The following STRADA variants were observed in gnomAD, a reference collection of about 807,000 sequenced individuals.
STRADA encodes the protein STE20-related kinase adapter protein alpha.
Under a neutral mutation model 55.0 loss-of-function variants are expected in STRADA, and 26 were observed. That is an observed-to-expected ratio of 0.47 (90% CI 0.35 to 0.66). The LOEUF (loss-of-function observed/expected upper bound fraction) is 0.66, where lower values mean the gene tolerates loss of function less well. Ranked by LOEUF, STRADA falls within the 30% of genes least tolerant of loss-of-function variation. The pLI, the probability that STRADA is intolerant of heterozygous loss-of-function variation, is 0.01. For missense variants in STRADA, 443 were observed against 549.7 expected (o/e 0.81, Z 1.94); for synonymous variants, 197 against 210.9 (o/e 0.93, Z 0.57).
At chr17:63,711,807 T>G (rs1206616565) in intron 6 of STRADA, among the ~76,000 whole-genome samples, 1 of 152,074 alleles carries the variant, frequency 6.6e-6, no homozygotes, top group Non-Finnish European at 1.5e-5. Context: ...TGGTGGTGCA[T>G]GCCTTTAGTC....
intron 4 of STRADA, chr17:63,714,346 A>G (rs2036714482): frequency 2.3e-6 from 1 of 436,054 alleles, no homozygotes; most frequent in Admixed American, 3.3e-5. Flanking sequence ...ACCTGTTCCC[A>G]TCAAATGTTA....
chr17:63,735,065 G>A (rs1410630645), intron 1 of STRADA, among the ~76,000 whole-genome samples: 1 of 152,208 alleles, frequency 6.6e-6, no homozygotes, highest in African/African-American at 2.4e-5. Context: ...TGAGACAGGA[G>A]AATCGTTTGA....
Position 63,717,526 on chromosome 17 carries a change from G to C in STRADA, c.124-3418C>G, listed in dbSNP as rs1369747019. Among the ~76,000 whole-genome samples, 6 of 151,850 alleles carry C rather than the reference G, an allele frequency of 4.0e-5. No individual in the cohort carries two copies. In the East Asian group the frequency reaches 1.2e-3, roughly 30 times the overall value. On this transcript the variant is annotated intron_variant, in intron 4 of 12. Transcript: ENST00000336174. ...GACAGACTCTCACTCTGTTGCCCAG[G>C]CTGGAGTGCAGTAGTGCGATCTCAG... is the stretch of plus-strand genomic sequence containing the variant.
rs2036996817 is a variant in STRADA at position 63,717,749 on chromosome 17, T to C, written c.124-3641A>G. 2.6e-5 allele frequency among the ~76,000 whole-genome samples: 4 copies of C among 152,058 alleles called. No individual in the cohort carries two copies. In the South Asian group the frequency reaches 8.3e-4, roughly 32 times the overall value. On this transcript the variant is annotated intron_variant, in intron 4 of 12. Transcript: ENST00000336174. Reference sequence around the variant, plus strand: ...GCCTCAGCCTCTCAAAGTGCTGGGATTACAGGTGTGAGCCACCATGCCCAG... The same window carrying C: ...GCCTCAGCCTCTCAAAGTGCTGGGACTACAGGTGTGAGCCACCATGCCCAG...
intron 4 of STRADA, chr17:63,719,226 TACTCAGA>T (rs1203076892): frequency 6.6e-6 from 1 of 152,194 alleles, no homozygotes; most frequent in African/African-American, 2.4e-5. Flanking sequence ...ATTCCTGTGT[TACTCAGA>T]ACACTCTATA....
At chr17:63,705,377 T>C in intron 10 of STRADA, 1 of 180,716 alleles carries the variant, frequency 5.5e-6, no homozygotes, top group Non-Finnish European at 1.2e-5. Context: ...CAAATTCTAG[T>C]GGATGGTGCT....
intron 1 of STRADA, among the ~76,000 whole-genome samples, chr17:63,739,777 T>TATATTATATATGTACAC (rs1291230193): frequency 3.5e-5 from 5 of 141,052 alleles, no homozygotes; most frequent in African/African-American, 5.3e-5. Context: ...TATATGTACA[T>TATATTATATATGTACAC]ATATACATAT....
At chr17:63,730,286 C>A (rs968731645) in intron 1 of STRADA, among the ~76,000 whole-genome samples, 4 of 152,122 alleles carry the variant, frequency 2.6e-5, no homozygotes, top group African/African-American at 9.7e-5. Flanking sequence ...TTTTTCCATA[C>A]CCTCAAACCC....
intron 4 of STRADA, among the ~76,000 whole-genome samples, chr17:63,719,514 C>T (rs1407092842): frequency 2.7e-5 from 4 of 150,546 alleles, no homozygotes; most frequent in African/African-American, 7.3e-5. Context: ...GACAGAGTCT[C>T]GCTCTATCGC....
chr17:63,711,421 T>C (rs2143864272), intron 6 of STRADA, among the ~76,000 whole-genome samples: 1 of 152,216 alleles, frequency 6.6e-6, no homozygotes, highest in Middle Eastern at 3.4e-3. Flanking sequence ...TGTGATCCCG[T>C]CTCACTGCAG....
At chr17:63,703,893 T>G (rs958390699) in intron 12 of STRADA, 112 bp downstream of exon 12, 2 of 1,607,892 alleles carry the variant, frequency 1.2e-6, no homozygotes, top group African/African-American at 2.7e-5. Flanking sequence ...TTCAGGGGCT[T>G]CGGAAGCGGG....
rs1598237659 is a variant in STRADA at position 63,726,767 on chromosome 17, C to CA, written c.37-73dup. ...AACAAATTAGCTATCAGCCTTTAGA[C>CA]AGACAAACAAAATCCCAACTATGAA... On this transcript the variant is annotated intron_variant, in intron 2 of 12. Coordinates refer to ENST00000336174, the MANE Select transcript of STRADA (RefSeq NM_001003787.4). 39 of 1,484,494 alleles carry CA rather than the reference C, an allele frequency of 2.6e-5. No individual in the cohort carries two copies. In the East Asian group the frequency reaches 8.6e-4, roughly 33 times the overall value. The allele number at this position is 1,484,494 out of a possible 1,614,324, so 92.0% of individuals were successfully genotyped here. A position where few individuals can be genotyped will look rare whatever the true frequency, so the allele number is the denominator to read the frequency against.
At chr17:63,709,813 G>C (rs555206015) in intron 8 of STRADA, among the ~76,000 whole-genome samples, 24 of 152,268 alleles carry the variant, frequency 1.6e-4, no homozygotes, top group Non-Finnish European at 2.9e-4. Context: ...TATCTACTAA[G>C]CTATCTGTCT....
chr17:63,738,926 C>G (rs912011476), intron 1 of STRADA, among the ~76,000 whole-genome samples: 1 of 151,634 alleles, frequency 6.6e-6, no homozygotes, highest in African/African-American at 2.4e-5. Flanking sequence ...CAGAGGCGGG[C>G]AGATCACGAG....
intron 10 of STRADA, chr17:63,705,294 A>G: frequency 3.5e-6 from 1 of 282,548 alleles, no homozygotes; most frequent in Non-Finnish European, 6.9e-6. Context: ...CACCTTCTAA[A>G]TGCTCGACAG....
chr17:63,737,482 T>C (rs1217884143), intron 1 of STRADA: 1 of 142,884 alleles, frequency 7.0e-6, no homozygotes. Flanking sequence ...TAGAACACAA[T>C]GTAAATGCCT....
chr17:63,741,021 C>T (rs564857935), intron 1 of STRADA: 1 of 152,222 alleles, frequency 6.6e-6, no homozygotes, highest in African/African-American at 2.4e-5. Context: ...CATGCTTCTA[C>T]TTGAACAGAT....
At chr17:63,739,764 G>GTATATATGTAAATATAT (rs2038733729) in intron 1 of STRADA, among the ~76,000 whole-genome samples, 1 of 112,408 alleles carries the variant, frequency 8.9e-6, no homozygotes, top group Non-Finnish European at 1.7e-5. Context: ...ATATATTTAT[G>GTATATATGTAAATATAT]TATATATGTA....
chr17:63,740,509 T>C (rs1458898819), intron 1 of STRADA, among the ~76,000 whole-genome samples: 3 of 151,736 alleles, frequency 2.0e-5, no homozygotes, highest in African/African-American at 4.8e-5. Flanking sequence ...CGAAACTCCA[T>C]CTCAAAAAAA....
Sources: gnomAD v4.1 joint callset for allele counts (sites outside exome capture counted in the v4.1 genomes callset) on GRCh38, gnomAD v4.1.1 for gene constraint, MANE v1.5 for transcripts, NCBI Gene and HGNC (gene_info 2026-07-23, HGNC 2026-07-21) for gene names.